SHOC1: variants seen among roughly 807,000 people sequenced by gnomAD.
The protein encoded by SHOC1 is protein shortage in chiasmata 1 ortholog.
A neutral mutation model predicts 179.2 loss-of-function variants in SHOC1; 136 were observed. That is an observed-to-expected ratio of 0.76 (90% CI 0.66 to 0.87). The LOEUF (loss-of-function observed/expected upper bound fraction) is 0.87. Among genes scored for constraint, SHOC1 ranks in the 40% least tolerant of loss-of-function variants. The probability of loss-of-function intolerance (pLI) is 0.00; values close to 1 mark genes in which losing one functional copy is unlikely to be tolerated. For synonymous variants in SHOC1, 489 were observed against 586.6 expected (o/e 0.83, Z 2.41); for missense variants, 1,538 against 1,700.8 (o/e 0.90, Z 1.68).
intron 24 of SHOC1, among the ~76,000 whole-genome samples, chr9:111,697,438 A>G (rs866014524): frequency 9.9e-5 from 15 of 152,094 alleles, no homozygotes; most frequent in African/African-American, 2.7e-4. Context: ...GAGAACATGC[A>G]GTGTTTGGTT....
Position 111,691,888 on chromosome 9 carries a change from A to G in SHOC1, c.4089T>C (p.Asn1363=). Residue 1363 remains asparagine (N), a synonymous_variant, in exon 27 of 28, where the codon AAT becomes AAC. Coordinates refer to ENST00000682961, the MANE Select transcript of SHOC1 (RefSeq NM_001378211.1). ...ACGGGTGATTCTCTTGTTCCCATAT[A>G]TTTTTCTTAAAGTTCCAATGAAGAG... The part of the protein sequence containing the change: ...QSPLHWNFKK[N]IWEQENHPFN... The G allele has an allele frequency of 2.5e-6, 4 of 1,613,824 alleles. No individual in the cohort carries two copies. Among genetic ancestry groups the G allele is most frequent in the East Asian group, 2.2e-5 (1 of 44,856 alleles).
intron 5 of SHOC1, among the ~76,000 whole-genome samples, chr9:111,773,509 A>C (rs948426793): frequency 2.6e-5 from 4 of 151,984 alleles, no homozygotes; most frequent in African/African-American, 9.7e-5. Flanking sequence ...ACAGGGTTTC[A>C]CCACGTTGGC....
intron 27 of SHOC1, among the ~76,000 whole-genome samples, chr9:111,687,952 T>C (rs1831253615): frequency 6.6e-6 from 1 of 152,200 alleles, no homozygotes; most frequent in African/African-American, 2.4e-5. Flanking sequence ...AAGGCATGTC[T>C]GGAAAACAAA....
chr9:111,746,450 G>T, intron 9 of SHOC1, 108 bp from the exon 10 acceptor site: 1 of 618,600 alleles, frequency 1.6e-6, no homozygotes, highest in Non-Finnish European at 2.8e-6. Context: ...TGAGGTAGGA[G>T]GATCACTTGA....
intron 27 of SHOC1, among the ~76,000 whole-genome samples, chr9:111,688,968 A>G (rs1420922960): frequency 2.0e-5 from 3 of 152,206 alleles, no homozygotes; most frequent in Non-Finnish European, 4.4e-5. Context: ...AGATTTGGAT[A>G]CTTACAGAGG....
intron 12 of SHOC1, among the ~76,000 whole-genome samples, chr9:111,736,995 C>A (rs1365421420): frequency 1.3e-5 from 2 of 152,112 alleles, no homozygotes; most frequent in East Asian, 3.9e-4. Flanking sequence ...AAATGCAAAT[C>A]AAAGCTACAA....
At chr9:111,759,157 C>T in intron 5 of SHOC1, 1 of 1,606,296 alleles carries the variant, frequency 6.2e-7, no homozygotes, top group Non-Finnish European at 8.5e-7. Context: ...TGGACTTACA[C>T]TTCAAAATAG....
In SHOC1 at chr9:111,700,043, G is replaced by C. The variant is rs757798818; in HGVS notation, c.3094C>G (p.Leu1032Val). ...YTKETLNSEY[L>V]LTEKTLHHLA... Reference sequence around the variant, plus strand: ...TGATGAAGTGTCTTTTCTGTAAGCAGATACCTACAAAGAATTATATTACTA... The same window carrying C: ...TGATGAAGTGTCTTTTCTGTAAGCACATACCTACAAAGAATTATATTACTA... The change falls in exon 24 of 28, where the codon CTG becomes GTG. Residue 1032 changes from leucine to valine, a missense_variant. By Grantham distance (32) the Leu-to-Val change is conservative. Transcript: ENST00000682961. The C allele has an allele frequency of 1.3e-6, 2 of 1,499,436 alleles. No homozygotes were observed. Among genetic ancestry groups the C allele is most frequent in the South Asian group, 1.2e-5 (1 of 83,480 alleles). The allele number at this position is 1,499,436 out of a possible 1,614,324, so 92.9% of individuals were successfully genotyped here.
At chr9:111,778,030 T>C (rs1027181692) in intron 4 of SHOC1, among the ~76,000 whole-genome samples, 2 of 152,220 alleles carry the variant, frequency 1.3e-5, no homozygotes, top group African/African-American at 4.8e-5. Context: ...TAAATGTTGC[T>C]GACAGGGTCA....
intron 5 of SHOC1, among the ~76,000 whole-genome samples, chr9:111,764,939 G>A (rs141722179): frequency 3.2e-4 from 48 of 152,038 alleles, no homozygotes; most frequent in Non-Finnish European, 5.4e-4. Context: ...TCAGGAGTTC[G>A]AGACCAGCCA....
rs1183045317 is a variant in SHOC1 at position 111,702,100 on chromosome 9, C to T, written c.3089+5G>A. On this transcript the variant is annotated splice_donor_5th_base_variant and intron_variant, in intron 23 of 27. Transcript: ENST00000682961. ...ATAACTTTGGATGAAGAAATGTTTACCTACTCTGAATTTAATGTTTCTTTG... is the reference window on the plus strand; with the variant it reads ...ATAACTTTGGATGAAGAAATGTTTATCTACTCTGAATTTAATGTTTCTTTG... The T allele has an allele frequency of 1.4e-6, 2 of 1,469,026 alleles. No individual in the cohort carries two copies. The allele number at this position is 1,469,026 out of a possible 1,614,324, so 91.0% of individuals were successfully genotyped here.
intron 9 of SHOC1, among the ~76,000 whole-genome samples, 164 bp from the exon 10 acceptor site, chr9:111,746,506 C>G (rs535934670): frequency 9.2e-5 from 14 of 152,012 alleles, no homozygotes; most frequent in African/African-American, 3.4e-4. Flanking sequence ...TCAGTCTCTA[C>G]AAAAAGTACA....
intron 5 of SHOC1, among the ~76,000 whole-genome samples, chr9:111,774,688 C>G (rs1374505972): frequency 3.9e-5 from 6 of 152,078 alleles, no homozygotes; most frequent in Non-Finnish European, 7.4e-5. Context: ...GAATTTCTCT[C>G]TCTCTCTCTC....
chr9:111,738,253 A>G (rs753706730), intron 12 of SHOC1, 27 bp downstream of exon 12: 1 of 1,571,882 alleles, frequency 6.4e-7, no homozygotes, highest in African/African-American at 1.4e-5. Context: ...ATGTTTACAT[A>G]ACTAATATTT....
At chr9:111,738,837 T>C (rs1833918769) in intron 11 of SHOC1, among the ~76,000 whole-genome samples, 1 of 152,216 alleles carries the variant, frequency 6.6e-6, no homozygotes. Context: ...ATTAAATTAA[T>C]GTTTAACATT....
chr9:111,793,430 C>G (rs1304237581), intron 1 of SHOC1, among the ~76,000 whole-genome samples: 1 of 152,182 alleles, frequency 6.6e-6, no homozygotes, highest in Non-Finnish European at 1.5e-5. Context: ...TTGAAGTCAA[C>G]CACTGAAATT....
chr9:111,733,796 A>T (rs6477847), intron 12 of SHOC1, among the ~76,000 whole-genome samples: 62,618 of 151,612 alleles, frequency 0.41, 14,351 homozygotes, highest in East Asian at 0.77. Context: ...TGAACCCAGG[A>T]GGTAGAGGTT....
intron 7 of SHOC1, among the ~76,000 whole-genome samples, chr9:111,757,855 A>C (rs1436948365): frequency 6.6e-6 from 1 of 152,258 alleles, no homozygotes; most frequent in African/African-American, 2.4e-5. Context: ...ATTTATCAGA[A>C]TATATCTCAG....
intron 15 of SHOC1, among the ~76,000 whole-genome samples, chr9:111,720,182 T>A (rs1316378131): frequency 1.3e-5 from 2 of 152,204 alleles, no homozygotes; most frequent in Non-Finnish European, 2.9e-5. Context: ...CAGAAGTGAT[T>A]ACCACCATGT....
Sources: allele counts gnomAD v4.1 joint callset (sites outside exome capture counted in the v4.1 genomes callset), GRCh38; gene constraint gnomAD v4.1.1; transcripts MANE v1.5; gene names NCBI Gene and HGNC (gene_info 2026-07-23, HGNC 2026-07-21).